NCOA2: variants seen among roughly 807,000 people sequenced by gnomAD.
NCOA2 encodes class E basic helix-loop-helix protein 75.
NCOA2 carries 21 observed loss-of-function variants against 145.1 expected under a neutral mutation model. That is an observed-to-expected ratio of 0.14 (90% CI 0.10 to 0.21). The LOEUF (loss-of-function observed/expected upper bound fraction) is 0.21, where lower values mean the gene tolerates loss of function less well. Ranked by LOEUF, NCOA2 falls within the 10% of genes least tolerant of loss-of-function variation. NCOA2 has a pLI of 1.00. For missense variants in NCOA2, 1,472 were observed against 1,837.6 expected (o/e 0.80, Z 3.64); for synonymous variants, 619 against 637.5 (o/e 0.97, Z 0.44).
chr8:70,411,191 G>C, the NCOA2 span, among the ~76,000 whole-genome samples: 1 of 152,226 alleles, frequency 6.6e-6, no homozygotes, highest in South Asian at 2.1e-4. Context: ...AACATTTATA[G>C]CTTCCCCCTG....
At chr8:70,428,840 CAT>C in the NCOA2 span, among the ~76,000 whole-genome samples, 1 of 142,434 alleles carries the variant, frequency 7.0e-6, no homozygotes, top group African/African-American at 2.7e-5. Context: ...GGCAATCTAA[CAT>C]GTGCCCATGC....
intron 2 of NCOA2, among the ~76,000 whole-genome samples, chr8:70,282,686 CA>C (rs550448805): frequency 0.084 from 8,149 of 97,188 alleles, 200 homozygotes; most frequent in South Asian, 0.13. Flanking sequence ...AAAACTGCCT[CA>C]AAAAAAAAAA....
chr8:70,308,440 T>G (rs887501161), intron 1 of NCOA2, among the ~76,000 whole-genome samples: 2 of 152,104 alleles, frequency 1.3e-5, no homozygotes, highest in African/African-American at 4.8e-5. Context: ...ATGAGGTGTG[T>G]GTGTGTGTAT....
chr8:70,182,314 T>C (rs911489833), intron 4 of NCOA2, among the ~76,000 whole-genome samples: 5 of 152,190 alleles, frequency 3.3e-5, no homozygotes, highest in African/African-American at 1.2e-4. Flanking sequence ...ATAGCAAAAT[T>C]AACCAATCTG....
At chr8:70,143,162 A>G (rs553040003) in intron 13 of NCOA2, among the ~76,000 whole-genome samples, 1 of 152,086 alleles carries the variant, frequency 6.6e-6, no homozygotes, top group African/African-American at 2.4e-5. Context: ...GTTGGTCGGG[A>G]TGGTCTCGAA....
chr8:70,434,075 A>G, the NCOA2 span, among the ~76,000 whole-genome samples: 9 of 152,312 alleles, frequency 5.9e-5, no homozygotes, highest in Admixed American at 5.9e-4. Context: ...AGTAAATGTT[A>G]CTGGGTCTAA....
chr8:70,419,839 T>C, the NCOA2 span, among the ~76,000 whole-genome samples: 1 of 152,260 alleles, frequency 6.6e-6, no homozygotes. Flanking sequence ...ATAATGTTTG[T>C]ATACATTTCC....
At chr8:70,140,804 C>T (rs537808023) in intron 14 of NCOA2, among the ~76,000 whole-genome samples, 3 of 151,924 alleles carry the variant, frequency 2.0e-5, no homozygotes, top group African/African-American at 7.2e-5. Flanking sequence ...ACCATGTTGG[C>T]CAGGCTGGTC....
intron 2 of NCOA2, among the ~76,000 whole-genome samples, chr8:70,226,452 G>C (rs181981398): frequency 3.6e-4 from 54 of 152,034 alleles, no homozygotes; most frequent in African/African-American, 1.1e-3. Context: ...AAAAAATCTT[G>C]CAACAACTGA....
rs188514653 is a variant in NCOA2, at chr8:70,124,246, G to A, written c.4095-164C>T. ...CAGGTGGTGGGCTTGCTGAAGCCGA[G>A]ACAGCAGGGGAAGTGGCATTCAATG... On this transcript the variant is annotated intron_variant, in intron 20 of 22. Coordinates refer to ENST00000452400, the MANE Select transcript of NCOA2 (RefSeq NM_006540.4). Among the ~76,000 whole-genome samples the A allele has an allele frequency of 3.9e-5, 6 of 152,290 alleles. No individual in the cohort carries two copies. The East Asian group carries it at 1.2e-3, about 29-fold the overall frequency.
chr8:70,269,993 C>A (rs946614400), intron 2 of NCOA2, among the ~76,000 whole-genome samples: 1 of 152,104 alleles, frequency 6.6e-6, no homozygotes, highest in Non-Finnish European at 1.5e-5. Flanking sequence ...CCAGCTTGGG[C>A]AACATAGACC....
intron 22 of NCOA2, among the ~76,000 whole-genome samples, chr8:70,114,233 C>A (rs1191005900): frequency 6.6e-6 from 1 of 152,066 alleles, no homozygotes; most frequent in African/African-American, 2.4e-5. Flanking sequence ...ACCATGTTGG[C>A]CAGGTTGGTC....
chr8:70,382,566 ATTG>A (rs766779702), intron 1 of NCOA2, among the ~76,000 whole-genome samples: 14 of 152,236 alleles, frequency 9.2e-5, no homozygotes, highest in Non-Finnish European at 1.6e-4. Context: ...GCTATTAGGC[ATTG>A]TTGTTCAGGA....
chr8:70,317,649 A>G (rs917851049), intron 1 of NCOA2, among the ~76,000 whole-genome samples: 4 of 152,226 alleles, frequency 2.6e-5, no homozygotes, highest in Non-Finnish European at 5.9e-5. Context: ...TAGAATTACA[A>G]TGGCCATTAC....
Position 70,403,704 on chromosome 8 carries a change from T to C in NCOA2, c.-81A>G. On this transcript the variant is annotated 5_prime_UTR_variant, in exon 1 of 23. Transcript: ENST00000452400. ...CCCGGGGGAAGGCGCGGTTACCGGC[T>C]CGGGTCGGTCACGCCGTCAGGTGCC... is the stretch of plus-strand genomic sequence containing the variant. 2.5e-6 allele frequency: 1 copy of C among 394,214 alleles called. No individual in the cohort carries two copies. The allele number at this position is 394,214 out of a possible 1,614,324, so 24.4% of individuals were successfully genotyped here. A position where few individuals can be genotyped will look rare whatever the true frequency, so the allele number is the denominator to read the frequency against.
intron 2 of NCOA2, among the ~76,000 whole-genome samples, chr8:70,259,711 C>G (rs1173582940): frequency 6.6e-6 from 1 of 152,074 alleles, no homozygotes; most frequent in Non-Finnish European, 1.5e-5. Flanking sequence ...TAACCTCAAA[C>G]TTCAGTTGAA....
chr8:70,300,087 T>A (rs1197802569), intron 1 of NCOA2, among the ~76,000 whole-genome samples: 1 of 152,158 alleles, frequency 6.6e-6, no homozygotes, highest in Non-Finnish European at 1.5e-5. Flanking sequence ...AAAGTAAAAC[T>A]ATAAAGACAG....
In NCOA2 at chr8:70,111,646, C is replaced by T. The variant is rs148124670; in HGVS notation, c.*1986G>A. 1,344 of 216,278 alleles carry T rather than the reference C, an allele frequency of 6.2e-3. 6 individuals carry two copies. The highest frequency in any genetic ancestry group is 0.01 in the Non-Finnish European group (1,084 of 107,506). The allele number at this position is 216,278 out of a possible 1,614,324, so 13.4% of individuals were successfully genotyped here. On this transcript the variant is annotated 3_prime_UTR_variant, in exon 23 of 23. Transcript: ENST00000452400. ...CGAAATGCAAATTTCCAGAAAGGTT[C>T]TTTAGTATGGAGCAACATTTTCAGA...
chr8:70,177,429 T>C (rs548969158), intron 4 of NCOA2, among the ~76,000 whole-genome samples: 8 of 152,198 alleles, frequency 5.3e-5, no homozygotes, highest in African/African-American at 1.7e-4. Context: ...ACTGCATCTA[T>C]GGGGGCTGAC....
Sources: gnomAD v4.1 joint callset for allele counts (sites outside exome capture counted in the v4.1 genomes callset) on GRCh38, gnomAD v4.1.1 for gene constraint, MANE v1.5 for transcripts, NCBI Gene and HGNC (gene_info 2026-07-23, HGNC 2026-07-21) for gene names.